PTPRG: variants seen among roughly 807,000 people sequenced by gnomAD.
PTPRG encodes the protein protein tyrosine phosphatase receptor type G.
In PTPRG, 102 loss-of-function variants were observed where a neutral mutation model predicts 165.3. The observed-to-expected ratio is 0.62, with a 90% CI of 0.53 to 0.73. The LOEUF is 0.73. Among genes scored for constraint, PTPRG ranks in the 30% least tolerant of loss-of-function variants. The pLI, the probability that PTPRG is intolerant of heterozygous loss-of-function variation, is 0.00. For synonymous variants in PTPRG, 675 were observed against 669.5 expected, an observed-to-expected ratio of 1.01 and a Z score of -0.13; for missense variants, 1,866 against 1,861.4, an observed-to-expected ratio of 1.00 and a Z score of -0.05.
At chr3:62,156,212 T>G (rs1704532416) in intron 6 of PTPRG, among the ~76,000 whole-genome samples, 1 of 152,218 alleles carries the variant, frequency 6.6e-6, no homozygotes, top group Non-Finnish European at 1.5e-5. Context: ...ACCCTTGCAT[T>G]TTCACCTGGC....
chr3:62,165,185 C>T (rs1164784271), intron 7 of PTPRG, among the ~76,000 whole-genome samples: 1 of 152,218 alleles, frequency 6.6e-6, no homozygotes, highest in Admixed American at 6.5e-5. Flanking sequence ...CTCAGGCTAA[C>T]CAATTCCACT....
At chr3:62,054,442 C>G (rs1443790032) in intron 4 of PTPRG, among the ~76,000 whole-genome samples, 1 of 152,112 alleles carries the variant, frequency 6.6e-6, no homozygotes, top group Admixed American at 6.5e-5. Context: ...ATCAATTTGT[C>G]TGAGTAGCTT....
chr3:61,675,237 G>T (rs945292852), intron 1 of PTPRG, among the ~76,000 whole-genome samples: 2 of 152,072 alleles, frequency 1.3e-5, no homozygotes, highest in African/African-American at 4.8e-5. Context: ...TATGTTGGTG[G>T]CTTGGATAAC....
At chr3:62,091,632 C>G (rs892845201) in intron 5 of PTPRG, among the ~76,000 whole-genome samples, 4 of 152,286 alleles carry the variant, frequency 2.6e-5, no homozygotes, top group African/African-American at 9.6e-5. Context: ...CCTATGTATG[C>G]TGGAAATGTA....
intron 27 of PTPRG, 65 bp from the exon 28 acceptor site, chr3:62,282,662 T>C: frequency 6.6e-7 from 1 of 1,505,260 alleles, no homozygotes; most frequent in Non-Finnish European, 8.9e-7. Flanking sequence ...GAGCAAGTTC[T>C]AGTCATTAGA....
chr3:62,160,867 T>TA (rs1418651071), intron 7 of PTPRG, among the ~76,000 whole-genome samples: 47 of 117,190 alleles, frequency 4.0e-4, no homozygotes, highest in African/African-American at 1.5e-3. Flanking sequence ...ATGTGTGATT[T>TA]TTTTTTTTTT....
intron 2 of PTPRG, among the ~76,000 whole-genome samples, chr3:61,808,670 G>A (rs2035484966): frequency 6.6e-6 from 1 of 151,984 alleles, no homozygotes; most frequent in South Asian, 2.1e-4. Flanking sequence ...TGGCACATAC[G>A]TTGCACTGGG....
intron 2 of PTPRG, among the ~76,000 whole-genome samples, chr3:61,962,392 G>T (rs1400752247): frequency 6.6e-6 from 1 of 152,154 alleles, no homozygotes; most frequent in East Asian, 1.9e-4. Context: ...GTAGTTGCAT[G>T]GCTTGAGGGA....
At chr3:61,567,988 T>A (rs1433980417) in intron 1 of PTPRG, among the ~76,000 whole-genome samples, 1 of 141,052 alleles carries the variant, frequency 7.1e-6, no homozygotes, top group East Asian at 2.1e-4. Flanking sequence ...AAAAAAAAGT[T>A]CATTTGCCAG....
chr3:62,216,492 C>T (rs967270653), intron 12 of PTPRG, among the ~76,000 whole-genome samples: 1 of 152,092 alleles, frequency 6.6e-6, no homozygotes, highest in African/African-American at 2.4e-5. Context: ...AGCGTCAACC[C>T]TCCCAACATT....
intron 1 of PTPRG, among the ~76,000 whole-genome samples, chr3:61,675,123 ATTTC>A (rs1352595167): frequency 1.3e-5 from 2 of 152,136 alleles, no homozygotes; most frequent in African/African-American, 4.8e-5. Context: ...TTGAATAACA[ATTTC>A]TTTTCTAGTA....
intron 2 of PTPRG, among the ~76,000 whole-genome samples, chr3:61,888,322 G>GTTT (rs745595266): frequency 6.7e-5 from 10 of 149,502 alleles, no homozygotes; most frequent in African/African-American, 2.5e-4. Flanking sequence ...AAAATGGGTT[G>GTTT]TTTTTTTTGT....
intron 5 of PTPRG, among the ~76,000 whole-genome samples, chr3:62,125,508 C>T (rs1396249897): frequency 1.3e-5 from 2 of 152,142 alleles, no homozygotes; most frequent in Admixed American, 1.3e-4. Context: ...TCGGCTCTGC[C>T]TTCTCCACTA....
Position 61,947,452 on chromosome 3 carries a change from G to C in PTPRG, c.191-42173G>C, listed in dbSNP as rs140758859. ...ATGATAAATTGAGATAAAGTGCACA[G>C]AGTATGCAGTGAAGGAATGTCAGTG... On this transcript the variant is annotated intron_variant, in intron 2 of 29. Coordinates refer to ENST00000474889, the MANE Select transcript of PTPRG (RefSeq NM_002841.4). 3.9e-5 allele frequency among the ~76,000 whole-genome samples: 6 copies of C among 152,334 alleles called. No homozygotes were observed. In the East Asian group the frequency reaches 1.2e-3, roughly 29 times the overall value.
At chr3:62,098,434 G>T (rs1983164) in intron 5 of PTPRG, among the ~76,000 whole-genome samples, 22 of 152,288 alleles carry the variant, frequency 1.4e-4, no homozygotes, top group African/African-American at 5.3e-4. Flanking sequence ...TTATGCATCT[G>T]TGGATTTGGG....
chr3:62,074,355 T>TCTTTC (rs199603018), intron 4 of PTPRG, among the ~76,000 whole-genome samples: 18 of 65,258 alleles, frequency 2.8e-4, no homozygotes, highest in African/African-American at 9.6e-4. Flanking sequence ...TTTCTTTCTT[T>TCTTTC]TTTTTTTTTT....
At chr3:61,982,506 A>T (rs2107680918) in intron 2 of PTPRG, among the ~76,000 whole-genome samples, 1 of 152,276 alleles carries the variant, frequency 6.6e-6, no homozygotes, top group African/African-American at 2.4e-5. Context: ...GGACCTTCAG[A>T]ATCTTGCAGT....
chr3:61,749,144 T>A, intron 2 of PTPRG, 162 bp downstream of exon 2: 1 of 716,556 alleles, frequency 1.4e-6, no homozygotes, highest in Non-Finnish European at 2.5e-6. Context: ...TTCCTCAAGG[T>A]TATAAGCACC....
chr3:61,618,432 G>A (rs1701360538), intron 1 of PTPRG, among the ~76,000 whole-genome samples: 1 of 152,182 alleles, frequency 6.6e-6, no homozygotes, highest in Admixed American at 6.5e-5. Flanking sequence ...TTGCAAGGAT[G>A]TGCCATTTTT....
Sources: allele counts gnomAD v4.1 joint callset (sites outside exome capture counted in the v4.1 genomes callset), GRCh38; gene constraint gnomAD v4.1.1; transcripts MANE v1.5; gene names NCBI Gene and HGNC (gene_info 2026-07-23, HGNC 2026-07-21).